NBAS: variants seen among roughly 807,000 people sequenced by gnomAD.
NBAS encodes NAG/BC035112 fusion.
A neutral mutation model predicts 302.5 loss-of-function variants in NBAS; 219 were observed. That is an observed-to-expected ratio of 0.72 (90% CI 0.65 to 0.81). NBAS has a LOEUF of 0.81. NBAS is among the 30% of genes least tolerant of loss of function. NBAS has a pLI of 0.00. For missense variants in NBAS, 2,932 were observed against 2,841.6 expected, an observed-to-expected ratio of 1.03 and a Z score of -0.72; for synonymous variants, 1,118 against 1,021.6, an observed-to-expected ratio of 1.09 and a Z score of -1.80.
intron 51 of NBAS, among the ~76,000 whole-genome samples, chr2:15,175,432 C>T (rs1400998670): frequency 2.0e-5 from 3 of 152,182 alleles, no homozygotes; most frequent in Non-Finnish European, 2.9e-5. Context: ...GAATTTTCAG[C>T]ATACAAAGCC....
chr2:15,132,364 T>G, the NBAS span, among the ~76,000 whole-genome samples: 2 of 152,108 alleles, frequency 1.3e-5, no homozygotes, highest in African/African-American at 4.8e-5. Flanking sequence ...TATGACATTC[T>G]GGAAAAAGCC....
At chr2:15,432,951 T>C (rs1020654306) in intron 21 of NBAS, among the ~76,000 whole-genome samples, 6 of 152,200 alleles carry the variant, frequency 3.9e-5, no homozygotes, top group Non-Finnish European at 7.3e-5. Context: ...ACTAAGAAGA[T>C]ATTTTGAAAC....
intron 25 of NBAS, among the ~76,000 whole-genome samples, chr2:15,409,827 C>T (rs768702118): frequency 8.5e-5 from 13 of 152,130 alleles, no homozygotes; most frequent in Non-Finnish European, 1.8e-4. Flanking sequence ...TAAACTTATC[C>T]TCATCAAAGC....
intron 29 of NBAS, among the ~76,000 whole-genome samples, chr2:15,380,103 A>C (rs927882294): frequency 6.6e-5 from 10 of 152,238 alleles, no homozygotes; most frequent in African/African-American, 2.4e-4. Flanking sequence ...ATAATATTTT[A>C]ATTTATTACA....
At chr2:14,911,251 A>C in the NBAS span, among the ~76,000 whole-genome samples, 1 of 152,204 alleles carries the variant, frequency 6.6e-6, no homozygotes, top group Non-Finnish European at 1.5e-5. Flanking sequence ...TGGAAATTGC[A>C]CTAGTCTTGA....
chr2:14,814,028 C>T, the NBAS span, among the ~76,000 whole-genome samples: 2 of 152,138 alleles, frequency 1.3e-5, no homozygotes, highest in African/African-American at 4.8e-5. Flanking sequence ...GTGGCTTCCA[C>T]ATGCTATTGG....
chr2:15,122,430 C>A, the NBAS span, among the ~76,000 whole-genome samples: 1 of 152,106 alleles, frequency 6.6e-6, no homozygotes, highest in Non-Finnish European at 1.5e-5. Context: ...ACACCCAGAT[C>A]GCATGTGAAC....
At chr2:15,467,915 G>T (rs1679793443) in intron 17 of NBAS, 111 bp from the exon 18 acceptor site, 6 of 1,003,692 alleles carry the variant, frequency 6.0e-6, no homozygotes, top group Non-Finnish European at 8.8e-6. Flanking sequence ...AAAAACAGAA[G>T]AAAGTATTTG....
At chr2:15,018,109 TG>T in the NBAS span, among the ~76,000 whole-genome samples, 1 of 151,900 alleles carries the variant, frequency 6.6e-6, no homozygotes. Flanking sequence ...AGAAGTAGAA[TG>T]TAGAACAGAG....
intron 48 of NBAS, among the ~76,000 whole-genome samples, chr2:15,212,935 A>G (rs1158609761): frequency 6.6e-6 from 1 of 152,214 alleles, no homozygotes; most frequent in East Asian, 1.9e-4. Flanking sequence ...GAACAAACTA[A>G]TACGGTATCT....
chr2:15,025,124 C>A, the NBAS span, among the ~76,000 whole-genome samples: 1 of 152,168 alleles, frequency 6.6e-6, no homozygotes, highest in African/African-American at 2.4e-5. Context: ...TTTAATCCAT[C>A]TTGAGTTGAT....
chr2:14,914,467 A>T, the NBAS span, among the ~76,000 whole-genome samples: 1 of 152,200 alleles, frequency 6.6e-6, no homozygotes, highest in South Asian at 2.1e-4. Context: ...GGCTTGTTTA[A>T]TTAATTCTAT....
chr2:14,779,921 A>C, the NBAS span, among the ~76,000 whole-genome samples: 385 of 152,318 alleles, frequency 2.5e-3, 2 homozygotes, highest in African/African-American at 8.8e-3. Flanking sequence ...GTTATTACAT[A>C]TATAACTCTC....
At chr2:15,445,094 T>C (rs2148524210) in intron 21 of NBAS, among the ~76,000 whole-genome samples, 1 of 151,898 alleles carries the variant, frequency 6.6e-6, no homozygotes, top group South Asian at 2.1e-4. Flanking sequence ...GAAGTCAGTG[T>C]GGTGATTCCT....
chr2:15,461,078 A>G, intron 21 of NBAS, 123 bp downstream of exon 21: 2 of 932,446 alleles, frequency 2.1e-6, no homozygotes, highest in Non-Finnish European at 3.2e-6. Context: ...TTAATTTTTT[A>G]TCAGGAAAAA....
the NBAS span, among the ~76,000 whole-genome samples, chr2:14,903,543 C>G: frequency 6.6e-6 from 1 of 152,140 alleles, no homozygotes; most frequent in Non-Finnish European, 1.5e-5. Context: ...TGTCATTGGC[C>G]TTTCACTGAA....
intron 9 of NBAS, among the ~76,000 whole-genome samples, chr2:15,532,385 A>G (rs1393195894): frequency 6.7e-6 from 1 of 149,996 alleles, no homozygotes; most frequent in Non-Finnish European, 1.5e-5. Flanking sequence ...GCTACTCGGG[A>G]GGCTGAGGCA....
chr2:15,478,682 T>G (rs1680297645), intron 12 of NBAS, among the ~76,000 whole-genome samples: 1 of 152,196 alleles, frequency 6.6e-6, no homozygotes, highest in Non-Finnish European at 1.5e-5. Context: ...AGGCTTTAAT[T>G]TTCAAAGCTT....
chr2:15,010,592 C>G, the NBAS span, among the ~76,000 whole-genome samples: 1 of 152,178 alleles, frequency 6.6e-6, no homozygotes, highest in East Asian at 1.9e-4. Flanking sequence ...CCTTTGAGCA[C>G]TCATTTCACA....
Sources: gnomAD v4.1 joint callset for allele counts (sites outside exome capture counted in the v4.1 genomes callset) on GRCh38, gnomAD v4.1.1 for gene constraint, MANE v1.5 for transcripts, NCBI Gene and HGNC (gene_info 2026-07-23, HGNC 2026-07-21) for gene names.